AIG1: variants seen among roughly 807,000 people sequenced by gnomAD.
The protein encoded by AIG1 is androgen induced 1.
In AIG1, 23 loss-of-function variants were observed where a neutral mutation model predicts 31.4. The observed-to-expected ratio is 0.73, with a 90% CI of 0.53 to 1.04. AIG1 has a LOEUF of 1.04. Ranked by LOEUF, AIG1 falls within the 50% of genes least tolerant of loss-of-function variation. AIG1 has a pLI of 0.00. For synonymous variants in AIG1, 100 were observed against 110.5 expected, an observed-to-expected ratio of 0.90 and a Z score of 0.60; for missense variants, 274 against 295.0, an observed-to-expected ratio of 0.93 and a Z score of 0.52.
At chr6:143,243,782 G>A (rs374119703) in intron 3 of AIG1, among the ~76,000 whole-genome samples, 16 of 152,302 alleles carry the variant, frequency 1.1e-4, no homozygotes, top group African/African-American at 3.8e-4. Flanking sequence ...CTACCACTGA[G>A]GGTGAAATAG....
chr6:143,237,350 A>G (rs1793884767), intron 3 of AIG1, among the ~76,000 whole-genome samples: 1 of 152,208 alleles, frequency 6.6e-6, no homozygotes, highest in Admixed American at 6.5e-5. Flanking sequence ...CTCATGAAGA[A>G]GTCTTGTCTC....
intron 1 of AIG1, among the ~76,000 whole-genome samples, chr6:143,092,412 C>T (rs186126617): frequency 4.6e-5 from 7 of 151,980 alleles, no homozygotes; most frequent in Admixed American, 2.6e-4. Flanking sequence ...AGCTACCATC[C>T]CCAACCTATA....
intron 3 of AIG1, among the ~76,000 whole-genome samples, chr6:143,217,868 G>A (rs977549369): frequency 2.0e-5 from 3 of 152,190 alleles, no homozygotes; most frequent in South Asian, 2.1e-4. Context: ...TACTGATCAC[G>A]TGGTAGGATA....
intron 1 of AIG1, among the ~76,000 whole-genome samples, chr6:143,085,965 A>T (rs994010093): frequency 2.0e-5 from 3 of 152,248 alleles, no homozygotes; most frequent in Non-Finnish European, 4.4e-5. Flanking sequence ...TTTCTAACAG[A>T]ATAGCCCCAT....
At position 143,331,552 on chromosome 6, in the gene AIG1, C is replaced by G. The variant is rs955232339; in HGVS notation, c.516-1730C>G. On this transcript the variant is annotated intron_variant, in intron 4 of 5. Coordinates refer to ENST00000357847, the MANE Select transcript of AIG1 (RefSeq NM_016108.4). This position sits in a 1 kb window ranked among gnomAD's most constrained non-coding sequence, Gnocchi z 4.1. The stretch of plus-strand genomic sequence containing the variant: ...ATCAACATTTTACTCCTCTTTATGG[C>G]TGAGTAATATTCCATTGCATGCATA... 2.6e-5 allele frequency among the ~76,000 whole-genome samples: 4 copies of G among 152,090 alleles called. No individual in the cohort carries two copies. The highest frequency in any genetic ancestry group is 9.7e-5 in the African/African-American group (4 of 41,412).
chr6:143,337,878 C>T (rs1264783827), intron 5 of AIG1: 2 of 398,280 alleles, frequency 5.0e-6, no homozygotes, highest in East Asian at 7.1e-5. Context: ...CCTGCCTTCG[C>T]TTTGCGATAG....
At chr6:143,106,830 C>G (rs187383540) in intron 1 of AIG1, among the ~76,000 whole-genome samples, 363 of 152,234 alleles carry the variant, frequency 2.4e-3, no homozygotes, top group Non-Finnish European at 3.8e-3. Flanking sequence ...GATAAAGGTA[C>G]TTACAGATTC....
At chr6:143,227,641 T>G (rs1255254311) in intron 3 of AIG1, among the ~76,000 whole-genome samples, 2 of 152,190 alleles carry the variant, frequency 1.3e-5, no homozygotes, top group African/African-American at 4.8e-5. Context: ...AATTTTTTTT[T>G]TCAACATGGA....
At chr6:143,205,304 A>C (rs1791027108) in intron 3 of AIG1, among the ~76,000 whole-genome samples, 1 of 152,236 alleles carries the variant, frequency 6.6e-6, no homozygotes, top group Non-Finnish European at 1.5e-5. Context: ...TTCTGGAGGA[A>C]AAACAGAGCT....
chr6:143,226,539 C>T (rs1989517), intron 3 of AIG1, among the ~76,000 whole-genome samples: 14,025 of 152,064 alleles, frequency 0.092, 1,297 homozygotes, highest in African/African-American at 0.21. Context: ...CCACCACACC[C>T]GTCCTCTTCT....
chr6:143,302,493 C>T (rs961308970), intron 4 of AIG1, among the ~76,000 whole-genome samples: 70 of 151,460 alleles, frequency 4.6e-4, no homozygotes, highest in Middle Eastern at 3.4e-3. Flanking sequence ...TTTGTTCTTG[C>T]GATAGTTTAC....
Position 143,157,452 on chromosome 6 carries a change from T to C in AIG1, c.298-7630T>C, listed in dbSNP as rs200938351. 0.011 allele frequency among the ~76,000 whole-genome samples: 590 copies of C among 52,342 alleles called. 4 individuals are homozygous for C. The African/African-American group carries it at 0.12, about 10-fold the overall frequency. The allele number at this position is 52,342 out of a possible 152,430, so 34.3% of individuals were successfully genotyped here. A position where few individuals can be genotyped will look rare whatever the true frequency, so the allele number is the denominator to read the frequency against. Reference sequence around the variant, plus strand: ...TTCCTCTCTTCTTTTTTTTTTTTCCTTTTTTTTTTTTGTGGCTCCTAGTGA... The same window carrying C: ...TTCCTCTCTTCTTTTTTTTTTTTCCCTTTTTTTTTTTGTGGCTCCTAGTGA... On this transcript the variant is annotated intron_variant, in intron 2 of 5. Coordinates refer to ENST00000357847, the MANE Select transcript of AIG1 (RefSeq NM_016108.4).
In AIG1 at chr6:143,279,071, A is replaced by G. The variant is rs1293645854; in HGVS notation, c.400-5039A>G. Among the ~76,000 whole-genome samples, 2 of 152,126 alleles carry G rather than the reference A, an allele frequency of 1.3e-5. No homozygotes were observed. The highest frequency in any genetic ancestry group is 2.4e-5 in the African/African-American group (1 of 41,410). On this transcript the variant is annotated intron_variant, in intron 3 of 5. Coordinates refer to ENST00000357847, the MANE Select transcript of AIG1 (RefSeq NM_016108.4). The surrounding 1 kb of genome is among the most constrained non-coding windows in gnomAD (Gnocchi z 5.4). ...AGATTTTAAGCACTTTGTGTTAGTG[A>G]GTCCCTTCTTACATTAGTGTGTACG...
Position 143,297,156 on chromosome 6 carries a change from C to T in AIG1, c.515+12931C>T, listed in dbSNP as rs1488673055. Among the ~76,000 whole-genome samples, 5 of 152,094 alleles carry T rather than the reference C, an allele frequency of 3.3e-5. No individual in the cohort carries two copies. The highest frequency in any genetic ancestry group is 3.9e-4 in the East Asian group (2 of 5,192). On this transcript the variant is annotated intron_variant, in intron 4 of 5. Transcript: ENST00000357847. This position sits in a 1 kb window ranked among gnomAD's most constrained non-coding sequence, Gnocchi z 5.1. Reference sequence around the variant, plus strand: ...ACTTAGAGAGTTCTGAAAGGCTTCCCGGAGGAAATGACATGTAAGCTGCCT... The same window carrying T: ...ACTTAGAGAGTTCTGAAAGGCTTCCTGGAGGAAATGACATGTAAGCTGCCT...
chr6:143,342,540 A>G (rs1777878287), downstream of AIG1: 1 of 840,574 alleles, frequency 1.2e-6, no homozygotes, highest in African/African-American at 1.7e-5. Flanking sequence ...AAGGACTCTC[A>G]TAAAACCTTT....
At chr6:143,246,591 CTGCT>C (rs1339101946) in intron 3 of AIG1, among the ~76,000 whole-genome samples, 2 of 152,196 alleles carry the variant, frequency 1.3e-5, no homozygotes, top group Non-Finnish European at 2.9e-5. Context: ...ATGAGACAAT[CTGCT>C]TGAGCCATTC....
At chr6:143,083,031 A>G (rs1000454690) in intron 1 of AIG1, among the ~76,000 whole-genome samples, 2 of 152,238 alleles carry the variant, frequency 1.3e-5, no homozygotes, top group African/African-American at 4.8e-5. Flanking sequence ...ATGCCAAGGA[A>G]CATTCTTAAT....
intron 4 of AIG1, among the ~76,000 whole-genome samples, chr6:143,321,657 C>T (rs758453428): frequency 6.6e-6 from 1 of 152,064 alleles, no homozygotes; most frequent in Non-Finnish European, 1.5e-5. Context: ...ATGTGGCTTC[C>T]TCTGGGGCAG....
chr6:143,111,990 C>G (rs1041697237), intron 1 of AIG1, among the ~76,000 whole-genome samples: 1 of 152,202 alleles, frequency 6.6e-6, no homozygotes, highest in Admixed American at 6.5e-5. Flanking sequence ...AATCTCATAT[C>G]TGCTTTCAAG....
Sources: allele counts gnomAD v4.1 joint callset (sites outside exome capture counted in the v4.1 genomes callset), GRCh38; gene constraint gnomAD v4.1.1; non-coding constraint Gnocchi (gnomAD v3.1); transcripts MANE v1.5; gene names NCBI Gene and HGNC (gene_info 2026-07-23, HGNC 2026-07-21).